RAB39B: variants seen among roughly 807,000 people sequenced by gnomAD.
RAB39B encodes the protein RAB39B, member RAS oncogene family, also known as ras-related protein Rab-39B.
For missense variants in RAB39B, 68 were observed against 171.3 expected, an observed-to-expected ratio of 0.40 and a Z score of 3.37; for synonymous variants, 63 against 67.5, an observed-to-expected ratio of 0.93 and a Z score of 0.33.
rs1602911439 is a variant in RAB39B, at chrX:155,259,378, G to A, written c.*1425C>T. 9.0e-6 allele frequency: 1 copy of A among 111,696 alleles called. No individual in the cohort carries two copies. Among genetic ancestry groups the A allele is most frequent in the African/African-American group, 3.3e-5 (1 of 30,721 alleles). The allele number at this position is 111,696 out of a possible 1,213,427, so 9.2% of individuals were successfully genotyped here. Reference sequence around the variant, plus strand: ...TCTCTTGGGTAGACAGGAACTCAGTGTACGTATATGGCAGACAGGTGGCCA... The same window carrying A: ...TCTCTTGGGTAGACAGGAACTCAGTATACGTATATGGCAGACAGGTGGCCA... On this transcript the variant is annotated 3_prime_UTR_variant, in exon 2 of 2. Transcript: ENST00000369454.
rs1403604604 is a variant in RAB39B, at chrX:155,258,954, T to A, written c.*1849A>T. ...TGATCAGTTCACTTGTAGTTAATGC[T>A]GTGAACTGATCCAAAGTGGTTTGCT... On this transcript the variant is annotated 3_prime_UTR_variant, in exon 2 of 2. Coordinates refer to ENST00000369454, the MANE Select transcript of RAB39B (RefSeq NM_171998.4). 8.9e-6 allele frequency: 1 copy of A among 112,411 alleles called. No individual in the cohort carries two copies. Among genetic ancestry groups the A allele is most frequent in the Non-Finnish European group, 1.9e-5 (1 of 53,312 alleles). The allele number at this position is 112,411 out of a possible 1,213,427, so 9.3% of individuals were successfully genotyped here. A position where few individuals can be genotyped will look rare whatever the true frequency, so the allele number is the denominator to read the frequency against.
In RAB39B at chrX:155,259,693, C is replaced by T. The variant is rs978292218; in HGVS notation, c.*1110G>A. 2 of 112,129 alleles carry T rather than the reference C, an allele frequency of 1.8e-5. No homozygotes were observed. Among genetic ancestry groups the T allele is most frequent in the African/African-American group, 6.5e-5 (2 of 30,806 alleles). 9.2% of individuals were successfully genotyped at this position (112,129 alleles called of 1,213,427 possible). Reference sequence around the variant, plus strand: ...AGAGAACATTTATTTATAGTCATATCTCTTCCCAAGTAAACAAATTCATAA... The same window carrying T: ...AGAGAACATTTATTTATAGTCATATTTCTTCCCAAGTAAACAAATTCATAA... On this transcript the variant is annotated 3_prime_UTR_variant, in exon 2 of 2. Transcript: ENST00000369454.
In RAB39B at chrX:155,258,430, T is replaced by C. The variant is rs1202962508; in HGVS notation, c.*2373A>G. 8.9e-6 allele frequency: 1 copy of C among 112,953 alleles called. No individual in the cohort carries two copies. The highest frequency in any genetic ancestry group is 2.8e-4 in the East Asian group (1 of 3,627). 9.3% of individuals were successfully genotyped at this position (112,953 alleles called of 1,213,427 possible). On this transcript the variant is annotated 3_prime_UTR_variant, in exon 2 of 2. Transcript: ENST00000369454. Reference sequence around the variant, plus strand: ...CTTTGTTACAAGTTAGTTTATCTTTTCTTTACCTATGTAGTAAAATAGCTT... The same window carrying C: ...CTTTGTTACAAGTTAGTTTATCTTTCCTTTACCTATGTAGTAAAATAGCTT...
chrX:155,260,648 C>T lies in RAB39B; in HGVS notation c.*155G>A. The T allele has an allele frequency of 1.7e-6, 1 of 579,749 alleles. No homozygotes were observed. The highest frequency in any genetic ancestry group is 2.9e-6 in the Non-Finnish European group (1 of 346,114). The allele number at this position is 579,749 out of a possible 1,213,427, so 47.8% of individuals were successfully genotyped here. On this transcript the variant is annotated 3_prime_UTR_variant, in exon 2 of 2. Coordinates refer to ENST00000369454, the MANE Select transcript of RAB39B (RefSeq NM_171998.4). ...GTCACAGCACTCAGGCACCCCCATCCACCCGCACACGAGTCTGTCAGAGTC... is the reference window on the plus strand; with the variant it reads ...GTCACAGCACTCAGGCACCCCCATCTACCCGCACACGAGTCTGTCAGAGTC...
rs1426188456 is a variant in RAB39B, at chrX:155,259,594, C to T, written c.*1209G>A. ...TCAATAATGCCTGAATGGGCTTTAC[C>T]TTTGATTCCTTCCCATGTTCCCTCA... On this transcript the variant is annotated 3_prime_UTR_variant, in exon 2 of 2. Transcript: ENST00000369454. 1.8e-5 allele frequency: 2 copies of T among 112,233 alleles called. No homozygotes were observed. The highest frequency in any genetic ancestry group is 6.5e-5 in the African/African-American group (2 of 30,847). 9.2% of individuals were successfully genotyped at this position (112,233 alleles called of 1,213,427 possible).
In RAB39B at chrX:155,264,214, G is replaced by T; in HGVS notation, c.75C>A (p.Ile25=). 4 of 1,212,154 alleles carry T rather than the reference G, an allele frequency of 3.3e-6. No individual in the cohort carries two copies. The highest frequency in any genetic ancestry group is 4.5e-6 in the Non-Finnish European group (4 of 895,497). Residue 25 remains isoleucine, a synonymous_variant, in exon 1 of 2, where the codon ATC becomes ATA. Transcript: ENST00000369454. ...CAAAGCGACCCTCGGTGAAGCGGCG[G>T]ATCAGGCAGGACTTGCCCACTGTGG... ...GDSTVGKSCL[I]RRFTEGRFAQ...
intron 1 of RAB39B, among the ~76,000 whole-genome samples, chrX:155,262,241 G>A (rs1268338733): frequency 2.7e-5 from 3 of 112,001 alleles, no homozygotes; most frequent in Non-Finnish European, 5.6e-5. Flanking sequence ...GATAGACAAC[G>A]AAGGACTCAA....
chrX:155,264,381 T>A lies in RAB39B; in HGVS notation c.-93A>T. Reference sequence around the variant, plus strand: ...TCAGAGAGCGCGGCTCGGCAGGATCTAGCTCAGCCGCGAGCGCATCGCTGG... The same window carrying A: ...TCAGAGAGCGCGGCTCGGCAGGATCAAGCTCAGCCGCGAGCGCATCGCTGG... On this transcript the variant is annotated 5_prime_UTR_variant, in exon 1 of 2. The change abolishes the stop of an existing upstream ORF in the 5' untranslated region. Transcript: ENST00000369454. The A allele has an allele frequency of 1.2e-6, 1 of 865,923 alleles. No homozygotes were observed. Among genetic ancestry groups the A allele is most frequent in the Non-Finnish European group, 1.7e-6 (1 of 593,210 alleles). The allele number at this position is 865,923 out of a possible 1,213,427, so 71.4% of individuals were successfully genotyped here.
Position 155,260,622 on chromosome X carries a change from G to A in RAB39B, c.*181C>T. ...GCCCATGTCAGCAATTCAGTCCCTT[G>A]GTCACAGCACTCAGGCACCCCCATC... On this transcript the variant is annotated 3_prime_UTR_variant, in exon 2 of 2. Coordinates refer to ENST00000369454, the MANE Select transcript of RAB39B (RefSeq NM_171998.4). 2.0e-6 allele frequency: 1 copy of A among 500,391 alleles called. No individual in the cohort carries two copies. Among genetic ancestry groups the A allele is most frequent in the South Asian group, 2.8e-5 (1 of 35,129 alleles). 41.2% of individuals were successfully genotyped at this position (500,391 alleles called of 1,213,427 possible). A position where few individuals can be genotyped will look rare whatever the true frequency, so the allele number is the denominator to read the frequency against.
chrX:155,259,792 T>G lies in RAB39B; in HGVS notation c.*1011A>C, dbSNP rs1557314097. On this transcript the variant is annotated 3_prime_UTR_variant, in exon 2 of 2. Coordinates refer to ENST00000369454, the MANE Select transcript of RAB39B (RefSeq NM_171998.4). ...TCACGAGTCCTTGACCCTGGCCAAG[T>G]GATTTTCATGGCTCTTAGTTTACTA... 1.8e-5 allele frequency: 2 copies of G among 112,276 alleles called. No homozygotes were observed. Among genetic ancestry groups the G allele is most frequent in the Admixed American group, 9.4e-5 (1 of 10,622 alleles). The allele number at this position is 112,276 out of a possible 1,213,427, so 9.3% of individuals were successfully genotyped here. A position where few individuals can be genotyped will look rare whatever the true frequency, so the allele number is the denominator to read the frequency against.
rs1483798968 is a variant in RAB39B, at chrX:155,259,339, A to G, written c.*1464T>C. 1 of 111,568 alleles carries G rather than the reference A, an allele frequency of 9.0e-6. No homozygotes were observed. The highest frequency in any genetic ancestry group is 1.9e-5 in the Non-Finnish European group (1 of 53,119). The allele number at this position is 111,568 out of a possible 1,213,427, so 9.2% of individuals were successfully genotyped here. ...GCAGTTAGCTGTTTGTTCACCTGAG[A>G]ATTAAGGGCTGACTCTCTTGGGTAG... On this transcript the variant is annotated 3_prime_UTR_variant, in exon 2 of 2. Transcript: ENST00000369454.
chrX:155,261,202 G>A lies in RAB39B; in HGVS notation c.243C>T (p.Asn81=). The A allele has an allele frequency of 8.3e-7, 1 of 1,208,316 alleles. No homozygotes were observed. ...CAAATAAGAGAAGACCACCTACTGA[G>A]TTCCTGTAGTAGGCGCGAGTGATGG... is the stretch of plus-strand genomic sequence containing the variant. ...FRSITRAYYR[N]SVGGLLLFDI... Residue 81 remains asparagine, a synonymous_variant, in exon 2 of 2, where the codon AAC becomes AAT. Coordinates refer to ENST00000369454, the MANE Select transcript of RAB39B (RefSeq NM_171998.4).
rs1399620979 is a variant in RAB39B at position 155,258,746 on chromosome X, C to T, written c.*2057G>A. ...CTTTTTTGAACTGACAGAATCCAGT[C>T]GACTCTCATTTACCCACTGGATAAT... On this transcript the variant is annotated 3_prime_UTR_variant, in exon 2 of 2. Coordinates refer to ENST00000369454, the MANE Select transcript of RAB39B (RefSeq NM_171998.4). 1.8e-5 allele frequency: 2 copies of T among 112,047 alleles called. No individual in the cohort carries two copies. Among genetic ancestry groups the T allele is most frequent in the East Asian group, 2.8e-4 (1 of 3,600 alleles). 9.2% of individuals were successfully genotyped at this position (112,047 alleles called of 1,213,427 possible).
chrX:155,261,211 G>A lies in RAB39B; in HGVS notation c.234C>T (p.Tyr78=). 8.3e-7 allele frequency: 1 copy of A among 1,206,826 alleles called. No homozygotes were observed. Among genetic ancestry groups the A allele is most frequent in the Non-Finnish European group, 1.1e-6 (1 of 892,333 alleles). The change falls in exon 2 of 2, where the codon TAC becomes TAT. Residue 78 remains tyrosine, a synonymous_variant. Coordinates refer to ENST00000369454, the MANE Select transcript of RAB39B (RefSeq NM_171998.4). ...GAAGACCACCTACTGAGTTCCTGTA[G>A]TAGGCGCGAGTGATGGATCTAAAAC... The part of the protein sequence containing the change: ...QERFRSITRA[Y]YRNSVGGLLL...
At chrX:155,261,957 G>T (rs1156524900) in intron 1 of RAB39B, among the ~76,000 whole-genome samples, 2 of 110,631 alleles carry the variant, frequency 1.8e-5, no homozygotes, top group African/African-American at 6.6e-5. Context: ...GAGAGATGGC[G>T]AAGGGTTCAG....
At position 155,260,708 on chromosome X, in the gene RAB39B, G is replaced by C; in HGVS notation, c.*95C>G. 1 of 921,530 alleles carries C rather than the reference G, an allele frequency of 1.1e-6. No homozygotes were observed. The highest frequency in any genetic ancestry group is 1.6e-6 in the Non-Finnish European group (1 of 635,947). The allele number at this position is 921,530 out of a possible 1,213,427, so 75.9% of individuals were successfully genotyped here. ...GGGAGGCTCACTTGGTATCCAAATG[G>C]AGGTTGAGTTCTCATCAGTTACACA... On this transcript the variant is annotated 3_prime_UTR_variant, in exon 2 of 2. Coordinates refer to ENST00000369454, the MANE Select transcript of RAB39B (RefSeq NM_171998.4).
At chrX:155,262,797 C>T (rs1177667108) in intron 1 of RAB39B, among the ~76,000 whole-genome samples, 1 of 112,180 alleles carries the variant, frequency 8.9e-6, no homozygotes. Context: ...TATGAACAGG[C>T]TGTTCATATA....
Position 155,260,605 on chromosome X carries a change from C to T in RAB39B, c.*198G>A. On this transcript the variant is annotated 3_prime_UTR_variant, in exon 2 of 2. Coordinates refer to ENST00000369454, the MANE Select transcript of RAB39B (RefSeq NM_171998.4). ...AAACAGTGCCTGGCCTGGCCCATGT[C>T]AGCAATTCAGTCCCTTGGTCACAGC... 1 of 466,040 alleles carries T rather than the reference C, an allele frequency of 2.1e-6. No individual in the cohort carries two copies. Among genetic ancestry groups the T allele is most frequent in the Non-Finnish European group, 3.8e-6 (1 of 265,738 alleles). The allele number at this position is 466,040 out of a possible 1,213,427, so 38.4% of individuals were successfully genotyped here. A position where few individuals can be genotyped will look rare whatever the true frequency, so the allele number is the denominator to read the frequency against.
In RAB39B at chrX:155,260,634, C is replaced by G. The variant is rs1291595672; in HGVS notation, c.*169G>C. 1 of 530,334 alleles carries G rather than the reference C, an allele frequency of 1.9e-6. No homozygotes were observed. The highest frequency in any genetic ancestry group is 3.2e-6 in the Non-Finnish European group (1 of 309,354). The allele number at this position is 530,334 out of a possible 1,213,427, so 43.7% of individuals were successfully genotyped here. A position where few individuals can be genotyped will look rare whatever the true frequency, so the allele number is the denominator to read the frequency against. On this transcript the variant is annotated 3_prime_UTR_variant, in exon 2 of 2. Coordinates refer to ENST00000369454, the MANE Select transcript of RAB39B (RefSeq NM_171998.4). Reference sequence around the variant, plus strand: ...AATTCAGTCCCTTGGTCACAGCACTCAGGCACCCCCATCCACCCGCACACG... The same window carrying G: ...AATTCAGTCCCTTGGTCACAGCACTGAGGCACCCCCATCCACCCGCACACG...
Sources: allele counts gnomAD v4.1 joint callset (sites outside exome capture counted in the v4.1 genomes callset), GRCh38; gene constraint gnomAD v4.1.1; transcripts MANE v1.5; gene names NCBI Gene and HGNC (gene_info 2026-07-23, HGNC 2026-07-21).